The following CELSR3 variants were observed in gnomAD, a reference collection of about 807,000 sequenced individuals.
CELSR3 encodes EGF-like protein 1.
Under a neutral mutation model 270.0 loss-of-function variants are expected in CELSR3, and 73 were observed. That is an observed-to-expected ratio of 0.27 (90% confidence interval 0.22 to 0.33). CELSR3 has a LOEUF of 0.33. CELSR3 is among the 10% of genes least tolerant of loss of function. The pLI is 1.00. For synonymous variants in CELSR3, 1,780 were observed against 1,905.4 expected (o/e 0.93, Z 1.71); for missense variants, 3,614 against 4,533.8 (o/e 0.80, Z 5.83).
Position 48,655,727 on chromosome 3 carries a change from G to A in CELSR3, c.4741+9C>T, listed in dbSNP as rs761822972. 1.2e-6 allele frequency: 2 copies of A among 1,610,820 alleles called. No individual in the cohort carries two copies. The highest frequency in any genetic ancestry group is 1.7e-5 in the Admixed American group (1 of 60,006). On this transcript the variant is annotated intron_variant, in intron 4 of 34. Coordinates refer to ENST00000164024, the MANE Select transcript of CELSR3 (RefSeq NM_001407.3). The surrounding 1 kb of genome is among the most constrained non-coding windows in gnomAD (Gnocchi z 5.8). ...CGCACCCTTTCGCCGTCACATCCGG[G>A]GCACCCACCCGTGGAATATGTGAGC...
In CELSR3 at chr3:48,642,740, G is replaced by A; in HGVS notation, c.8551C>T (p.Leu2851Phe). 1 of 1,610,132 alleles carries A rather than the reference G, an allele frequency of 6.2e-7. No individual in the cohort carries two copies. Among genetic ancestry groups the A allele is most frequent in the Non-Finnish European group, 8.5e-7 (1 of 1,179,658 alleles). The change falls in exon 30 of 35, where the codon CTC becomes TTC. Residue 2851 changes from leucine to phenylalanine, a missense_variant. By Grantham distance (22) the Leu-to-Phe change is conservative. Coordinates refer to ENST00000164024, the MANE Select transcript of CELSR3 (RefSeq NM_001407.3). This position sits in a 1 kb window ranked among gnomAD's most constrained non-coding sequence, Gnocchi z 6.1. ...CAAGGAGGCTCTTCCTCTCACCTGA[G>A]GTAGCTGCGGCCCCGCTGGCTGTCC... is the stretch of plus-strand genomic sequence containing the variant. ...DQDSQRGRSY[L>F]RDNVLVRHGS... is the part of the protein sequence containing the mutation.
chr3:48,639,906 T>TA lies in CELSR3; in HGVS notation c.9678dup (p.Arg3227Ter). ...CTGGGGCCACTGACCGAGTCCTCCC[T>TA]AGCTCTGAGCAGCTGCGGGAGTGGC... On this transcript the variant is annotated frameshift_variant, in exon 34 of 35. Transcript: ENST00000164024. LOFTEE classifies it high-confidence loss of function. The surrounding 1 kb of genome is among the most constrained non-coding windows in gnomAD (Gnocchi z 4.1). The TA allele has an allele frequency of 6.2e-7, 1 of 1,613,172 alleles. No homozygotes were observed. The highest frequency in any genetic ancestry group is 1.1e-5 in the South Asian group (1 of 91,082).
At position 48,659,339 on chromosome 3, in the gene CELSR3, T is replaced by C. The variant is rs781612743; in HGVS notation, c.3296A>G (p.Asn1099Ser). The change falls in exon 1 of 35, where the codon AAT (asparagine) becomes AGT (serine). Residue 1099 changes from asparagine (N) to serine (S), a missense_variant. Coordinates refer to ENST00000164024, the MANE Select transcript of CELSR3 (RefSeq NM_001407.3). This position sits in a 1 kb window ranked among gnomAD's most constrained non-coding sequence, Gnocchi z 8.1. ...CACGATCTGGTACATTATATGGGCATTGGGGCCTTCGTCAGGGTCCACTGC... is the reference window on the plus strand; with the variant it reads ...CACGATCTGGTACATTATATGGGCACTGGGGCCTTCGTCAGGGTCCACTGC... ...ITAVDPDEGP[N>S]AHIMYQIVEG... 1.6e-5 allele frequency: 26 copies of C among 1,614,074 alleles called. No homozygotes were observed. Among genetic ancestry groups the C allele is most frequent in the East Asian group, 4.5e-5 (2 of 44,894 alleles).
rs765631739 is a variant in CELSR3 at position 48,639,823 on chromosome 3, G to T, written c.9762C>A (p.Asn3254Lys). Residue 3254 changes from asparagine (N) to lysine (K), a missense_variant, in exon 34 of 35, where the codon AAC becomes AAA. This residue lies in a region of CELSR3 where 1,240 missense variants were observed against 1,351.7 expected (regional missense o/e 0.92). Transcript: ENST00000164024. This position sits in a 1 kb window ranked among gnomAD's most constrained non-coding sequence, Gnocchi z 4.1. ...ATTGCACAGAGGAGAGGGCCGAGGA[G>T]TTGAAAGAGGCAAGGATGGAGGAAA... The part of the protein sequence containing the change: ...DILSSILASF[N>K]SSALSSVQSS... The T allele has an allele frequency of 1.9e-6, 3 of 1,613,816 alleles. No homozygotes were observed. The highest frequency in any genetic ancestry group is 2.5e-6 in the Non-Finnish European group (3 of 1,180,032).
In CELSR3 at chr3:48,650,827, T is replaced by C; in HGVS notation, c.6370+65A>G. On this transcript the variant is annotated intron_variant, in intron 15 of 34. Coordinates refer to ENST00000164024, the MANE Select transcript of CELSR3 (RefSeq NM_001407.3). This position sits in a 1 kb window ranked among gnomAD's most constrained non-coding sequence, Gnocchi z 5.1. Reference sequence around the variant, plus strand: ...GTCCCCAAGGAGCCATGTGTGCCACTGACACGTGATGGTGGCACACTGGAA... The same window carrying C: ...GTCCCCAAGGAGCCATGTGTGCCACCGACACGTGATGGTGGCACACTGGAA... The C allele has an allele frequency of 6.6e-7, 1 of 1,517,734 alleles. No individual in the cohort carries two copies. The highest frequency in any genetic ancestry group is 9.0e-7 in the Non-Finnish European group (1 of 1,115,872). 94.0% of individuals were successfully genotyped at this position (1,517,734 alleles called of 1,614,324 possible).
rs1041053138 is a variant in CELSR3, at chr3:48,646,429, G to A, written c.7296-172C>T. ...GCTTCTGCTGGGCTGCTGAGGGGCTGAGCAGCTCCAGGGGACCTGCAACTG... is the reference window on the plus strand; with the variant it reads ...GCTTCTGCTGGGCTGCTGAGGGGCTAAGCAGCTCCAGGGGACCTGCAACTG... On this transcript the variant is annotated intron_variant, in intron 21 of 34. Transcript: ENST00000164024. This position sits in a 1 kb window ranked among gnomAD's most constrained non-coding sequence, Gnocchi z 4.8. 6.6e-6 allele frequency among the ~76,000 whole-genome samples: 1 copy of A among 152,218 alleles called. No homozygotes were observed. Among genetic ancestry groups the A allele is most frequent in the Non-Finnish European group, 1.5e-5 (1 of 68,036 alleles).
chr3:48,644,336 G>A lies in CELSR3; in HGVS notation c.8086-41C>T. 1.1e-6 allele frequency: 1 copy of A among 895,148 alleles called. No homozygotes were observed. The highest frequency in any genetic ancestry group is 1.5e-6 in the Non-Finnish European group (1 of 654,158). 55.5% of individuals were successfully genotyped at this position (895,148 alleles called of 1,614,324 possible). On this transcript the variant is annotated intron_variant, in intron 26 of 34. Coordinates refer to ENST00000164024, the MANE Select transcript of CELSR3 (RefSeq NM_001407.3). This position sits in a 1 kb window ranked among gnomAD's most constrained non-coding sequence, Gnocchi z 4.8. ...GACATGTGGGGCCGGGCAGGGCAGA[G>A]AGAGAGAGAGAGAGAGAGGCAATGA...
chr3:48,661,880 G>A lies in CELSR3; in HGVS notation c.755C>T (p.Ala252Val), dbSNP rs2077069307. The change falls in exon 1 of 35, where the codon GCG becomes GTG. Residue 252 changes from alanine to valine, a missense_variant. Physicochemically the swap from Ala to Val is moderately conservative, Grantham distance 64 (BLOSUM62 0). Transcript: ENST00000164024. The part of the protein sequence containing the change: ...GPELDSAPRT[A>V]RTAPASGSAP... Reference sequence around the variant, plus strand: ...TGAACCTGATGCAGGAGCTGTCCTCGCCGTGCGTGGTGCTGAATCCAGCTC... The same window carrying A: ...TGAACCTGATGCAGGAGCTGTCCTCACCGTGCGTGGTGCTGAATCCAGCTC... 1.2e-6 allele frequency: 2 copies of A among 1,611,278 alleles called. No homozygotes were observed.
Position 48,650,458 on chromosome 3 carries a change from T to C in CELSR3, c.6472+22A>G. On this transcript the variant is annotated intron_variant, in intron 16 of 34. Coordinates refer to ENST00000164024, the MANE Select transcript of CELSR3 (RefSeq NM_001407.3). The surrounding 1 kb of genome is among the most constrained non-coding windows in gnomAD (Gnocchi z 5.1). ...AGGCCCACCCCCACCCTCAGTGATG[T>C]CCTTTCCCCCCACATACTCACCCAG... 1.3e-6 allele frequency: 1 copy of C among 762,026 alleles called. No individual in the cohort carries two copies. The highest frequency in any genetic ancestry group is 1.4e-5 in the South Asian group (1 of 72,044). 47.2% of individuals were successfully genotyped at this position (762,026 alleles called of 1,614,324 possible). A position where few individuals can be genotyped will look rare whatever the true frequency, so the allele number is the denominator to read the frequency against.
rs539865587 is a variant in CELSR3, at chr3:48,657,804, C to A, written c.3749-456G>T. Reference sequence around the variant, plus strand: ...CAGCATAGCAGAACCAGCAAAACATCCCCCTCCAGAAAAGAAGGGTTCCAG... The same window carrying A: ...CAGCATAGCAGAACCAGCAAAACATACCCCTCCAGAAAAGAAGGGTTCCAG... On this transcript the variant is annotated intron_variant, in intron 1 of 34. Coordinates refer to ENST00000164024, the MANE Select transcript of CELSR3 (RefSeq NM_001407.3). This position sits in a 1 kb window ranked among gnomAD's most constrained non-coding sequence, Gnocchi z 5.4. 6.6e-6 allele frequency among the ~76,000 whole-genome samples: 1 copy of A among 152,272 alleles called. No individual in the cohort carries two copies. Among genetic ancestry groups the A allele is most frequent in the African/African-American group, 2.4e-5 (1 of 41,554 alleles).
Position 48,640,480 on chromosome 3 carries a change from G to A in CELSR3, c.9105C>T (p.Ala3035=). The change falls in exon 34 of 35, where the codon GCC becomes GCT. Residue 3035 remains alanine, a synonymous_variant. Coordinates refer to ENST00000164024, the MANE Select transcript of CELSR3 (RefSeq NM_001407.3). This position sits in a 1 kb window ranked among gnomAD's most constrained non-coding sequence, Gnocchi z 7.5. Reference sequence around the variant, plus strand: ...CTGGCACAGCACGGTGGCCCAAGGTGGCTGCACGGCACCAGGACAGCTCAG... The same window carrying A: ...CTGGCACAGCACGGTGGCCCAAGGTAGCTGCACGGCACCAGGACAGCTCAG... ...GAPELSWCRA[A]TLGHRAVPAA... 6.2e-7 allele frequency: 1 copy of A among 1,612,190 alleles called. No homozygotes were observed. Among genetic ancestry groups the A allele is most frequent in the South Asian group, 1.1e-5 (1 of 91,036 alleles).
rs777917696 is a variant in CELSR3, at chr3:48,648,254, C to A, written c.6973+12G>T. 3 of 1,588,272 alleles carry A rather than the reference C, an allele frequency of 1.9e-6. No individual in the cohort carries two copies. The African/African-American group carries it at 4.0e-5, about 21-fold the overall frequency. ...CCCTGCTGTGCCCCGCCCTACCCCA[C>A]CCACAACGCACTGATATTAGGCGTC... On this transcript the variant is annotated intron_variant, in intron 19 of 34. Coordinates refer to ENST00000164024, the MANE Select transcript of CELSR3 (RefSeq NM_001407.3).
At position 48,654,516 on chromosome 3, in the gene CELSR3, C is replaced by G; in HGVS notation, c.4989-64G>C. The stretch of plus-strand genomic sequence containing the variant: ...CCAGAGTAGAGTTGCTCCTGGGGGG[C>G]CACAGGAAGCAGGGGGGTAGGACCC... On this transcript the variant is annotated intron_variant, in intron 6 of 34. Transcript: ENST00000164024. This position sits in a 1 kb window ranked among gnomAD's most constrained non-coding sequence, Gnocchi z 5.4. 1 of 1,420,528 alleles carries G rather than the reference C, an allele frequency of 7.0e-7. No individual in the cohort carries two copies. Among genetic ancestry groups the G allele is most frequent in the Non-Finnish European group, 9.5e-7 (1 of 1,050,494 alleles). The allele number at this position is 1,420,528 out of a possible 1,614,324, so 88.0% of individuals were successfully genotyped here. A position where few individuals can be genotyped will look rare whatever the true frequency, so the allele number is the denominator to read the frequency against.
chr3:48,649,230 C>T lies in CELSR3; in HGVS notation c.6473-15G>A. The T allele has an allele frequency of 6.2e-7, 1 of 1,602,398 alleles. No homozygotes were observed. The highest frequency in any genetic ancestry group is 8.5e-7 in the Non-Finnish European group (1 of 1,174,228). ...CACAGCAGCACCTGGAGGCAGGCAA[C>T]CCCTGGTCAGGCCTGGGGCCTGGAT... On this transcript the variant is annotated splice_polypyrimidine_tract_variant and intron_variant, in intron 16 of 34. Coordinates refer to ENST00000164024, the MANE Select transcript of CELSR3 (RefSeq NM_001407.3).
chr3:48,640,749 A>T lies in CELSR3; in HGVS notation c.9026-190T>A. ...GCAGCAGGACAGGGGTCAGAGTGGA[A>T]GGGCAGTCATCTTCCAGTTGTGGTC... On this transcript the variant is annotated intron_variant, in intron 33 of 34. Transcript: ENST00000164024. The surrounding 1 kb of genome is among the most constrained non-coding windows in gnomAD (Gnocchi z 7.5). 7.5e-6 allele frequency: 3 copies of T among 401,202 alleles called. No individual in the cohort carries two copies. Among genetic ancestry groups the T allele is most frequent in the Non-Finnish European group, 1.3e-5 (3 of 228,974 alleles). The allele number at this position is 401,202 out of a possible 1,614,324, so 24.9% of individuals were successfully genotyped here.
chr3:48,649,056 TATCTGGGG>T (rs1251461377), intron 17 of CELSR3, 57 bp downstream of exon 17: 17 of 1,546,584 alleles, frequency 1.1e-5, no homozygotes, highest in Non-Finnish European at 1.4e-5. Flanking sequence ...TAGGGTGTGG[TATCTGGGG>T]CCCACCACAG....
At position 48,646,305 on chromosome 3, in the gene CELSR3, T is replaced by G; in HGVS notation, c.7296-48A>C. ...TTACGCACTGCTGACCTCCCCATGCTCAGCCTGCTTGCCTCACCCCGTCTT... is the reference window on the plus strand; with the variant it reads ...TTACGCACTGCTGACCTCCCCATGCGCAGCCTGCTTGCCTCACCCCGTCTT... On this transcript the variant is annotated intron_variant, in intron 21 of 34. Transcript: ENST00000164024. The surrounding 1 kb of genome is among the most constrained non-coding windows in gnomAD (Gnocchi z 4.8). The G allele has an allele frequency of 6.4e-7, 1 of 1,560,134 alleles. No homozygotes were observed. The highest frequency in any genetic ancestry group is 1.2e-5 in the South Asian group (1 of 84,726).
chr3:48,662,126 G>A lies in CELSR3; in HGVS notation c.509C>T (p.Pro170Leu), dbSNP rs572098699. Residue 170 changes from proline (P) to leucine (L), a missense_variant, in exon 1 of 35, where the codon CCC becomes CTC. By Grantham distance (98) the Pro-to-Leu change is moderately conservative. Transcript: ENST00000164024. The surrounding 1 kb of genome is among the most constrained non-coding windows in gnomAD (Gnocchi z 7.1). The stretch of plus-strand genomic sequence containing the variant: ...CCGAATCAAAAAGTCTGAAGGGAGG[G>A]GCGAGCTGTTCCCCGAGCCCGGGAC... The part of the protein sequence containing the change: ...SGVPGSGNSS[P>L]LPSDFLIRHH... 3.5e-4 allele frequency: 561 copies of A among 1,613,462 alleles called. 8 individuals are homozygous for A. In the South Asian group the frequency reaches 5.7e-3, roughly 16 times the overall value.
In CELSR3 at chr3:48,653,962, T is replaced by G. The variant is rs947601607; in HGVS notation, c.5194A>C (p.Lys1732Gln). 12 of 1,613,408 alleles carry G rather than the reference T, an allele frequency of 7.4e-6. No homozygotes were observed. The African/African-American group carries it at 8.0e-5, about 11-fold the overall frequency. ...CGCTCCGAGCAGAAGCCACTGTTCTTGCAGGGGCCTGAGTCACAAAAGTGT... is the reference window on the plus strand; with the variant it reads ...CGCTCCGAGCAGAAGCCACTGTTCTGGCAGGGGCCTGAGTCACAAAAGTGT... ...KLHFCDSGPC[K>Q]NSGFCSERWG... The change falls in exon 8 of 35, where the codon AAG becomes CAG. Residue 1732 changes from lysine to glutamine, a missense_variant. By Grantham distance (53) the Lys-to-Gln change is moderately conservative (BLOSUM62 1). Transcript: ENST00000164024. This position sits in a 1 kb window ranked among gnomAD's most constrained non-coding sequence, Gnocchi z 6.5.
Sources: gnomAD v4.1 joint callset for allele counts (sites outside exome capture counted in the v4.1 genomes callset) on GRCh38, gnomAD v4.1.1 for gene constraint, gnomAD v4.1.1 regional missense constraint, Gnocchi (gnomAD v3.1) non-coding constraint, MANE v1.5 for transcripts, NCBI Gene and HGNC (gene_info 2026-07-23, HGNC 2026-07-21) for gene names.